Variants in PCDHGB3 observed in about 807,000 individuals in gnomAD.
PCDHGB3 encodes the protein protocadherin gamma subfamily B, 3, also known as protocadherin gamma-B3.
PCDHGB3 carries 40 observed loss-of-function variants against 59.2 expected under a neutral mutation model. The ratio of observed to expected loss-of-function variants is 0.68; its 90% CI spans 0.52 to 0.88. PCDHGB3 has a LOEUF of 0.88. Among genes scored for constraint, PCDHGB3 ranks in the 40% least tolerant of loss-of-function variants. PCDHGB3 has a pLI of 0.00. For synonymous variants in PCDHGB3, 581 were observed against 503.6 expected (o/e 1.15, Z -2.06); for missense variants, 1,309 against 1,187.9 (o/e 1.10, Z -1.50).
Position 141,477,202 on chromosome 5 carries a change from C to G in PCDHGB3, c.2416-17605C>G. 1 of 1,614,182 alleles carries G rather than the reference C, an allele frequency of 6.2e-7. No homozygotes were observed. The highest frequency in any genetic ancestry group is 1.1e-5 in the South Asian group (1 of 91,074). On this transcript the variant is annotated intron_variant, in intron 1 of 3. Transcript: ENST00000576222. This position sits in a 1 kb window ranked among gnomAD's most constrained non-coding sequence, Gnocchi z 4.9. ...TCACCTCCGTGTACAGCCCAGTACC[C>G]GAGGATGCCCCTCTGGGGACTGTCA...
At chr5:141,406,371 C>T (rs893677721) in intron 1 of PCDHGB3, among the ~76,000 whole-genome samples, 1 of 152,154 alleles carries the variant, frequency 6.6e-6, no homozygotes, top group African/African-American at 2.4e-5. Context: ...TAAGGGTAAA[C>T]TGATAAAAAG....
chr5:141,389,443 A>G (rs2091769935), intron 1 of PCDHGB3: 1 of 1,610,442 alleles, frequency 6.2e-7, no homozygotes, highest in Non-Finnish European at 8.5e-7. Context: ...GCCTTCGACC[A>G]CGAGCAGCTG....
chr5:141,378,838 G>A (rs1352949775), intron 1 of PCDHGB3: 5 of 152,196 alleles, frequency 3.3e-5, no homozygotes, highest in Non-Finnish European at 1.5e-5. Flanking sequence ...GAAAACAGCA[G>A]AGTTTTTGAC....
In PCDHGB3 at chr5:141,460,961, A is replaced by ATATGTGTGTG. The variant is rs1463306338; in HGVS notation, c.2416-33845_2416-33844insATGTGTGTGT. On this transcript the variant is annotated intron_variant, in intron 1 of 3. Coordinates refer to ENST00000576222, the MANE Select transcript of PCDHGB3 (RefSeq NM_018924.5). ...ATATATATGTATTATGTATATATAT[A>ATATGTGTGTG]TGTGTGTGTGTGTGTGTGTGTGTAT... Among the ~76,000 whole-genome samples the ATATGTGTGTG allele has an allele frequency of 1.3e-3, 194 of 144,616 alleles. 1 individual carries two copies. The highest frequency in any genetic ancestry group is 4.7e-3 in the African/African-American group (182 of 38,716). 94.9% of individuals were successfully genotyped at this position (144,616 alleles called of 152,430 possible). A position where few individuals can be genotyped will look rare whatever the true frequency, so the allele number is the denominator to read the frequency against.
At chr5:141,422,929 C>A (rs752323344) in intron 1 of PCDHGB3, 8 of 1,614,260 alleles carry the variant, frequency 5.0e-6, no homozygotes, top group Middle Eastern at 3.3e-4. Flanking sequence ...GTACCCTGCC[C>A]TCCCCACAGA....
At chr5:141,380,329 C>G (rs2150159068) in intron 1 of PCDHGB3, among the ~76,000 whole-genome samples, 1 of 152,142 alleles carries the variant, frequency 6.6e-6, no homozygotes, top group Non-Finnish European at 1.5e-5. Flanking sequence ...CTAAATGGAA[C>G]TTCAAAGAAC....
chr5:141,427,483 A>G lies in PCDHGB3; in HGVS notation c.2415+54674A>G, dbSNP rs759092057. The G allele has an allele frequency of 1.5e-4, 79 of 535,350 alleles. 2 individuals carry two copies. The highest frequency in any genetic ancestry group is 1.1e-3 in the South Asian group (73 of 65,268). 33.2% of individuals were successfully genotyped at this position (535,350 alleles called of 1,614,324 possible). ...ATCGAATCTTCCGCCAATAATGACT[A>G]TAAGCTTGTAACAGATGGGACCCTG... On this transcript the variant is annotated intron_variant, in intron 1 of 3. Coordinates refer to ENST00000576222, the MANE Select transcript of PCDHGB3 (RefSeq NM_018924.5).
chr5:141,503,654 G>C (rs1248501987), intron 2 of PCDHGB3, among the ~76,000 whole-genome samples: 1 of 150,388 alleles, frequency 6.6e-6, no homozygotes, highest in Non-Finnish European at 1.5e-5. Flanking sequence ...AATGGAAACA[G>C]AATTACAACT....
intron 1 of PCDHGB3, among the ~76,000 whole-genome samples, chr5:141,434,935 T>C (rs952530533): frequency 6.6e-6 from 1 of 151,788 alleles, no homozygotes; most frequent in Non-Finnish European, 1.5e-5. Flanking sequence ...TTTTATATAA[T>C]AGATATAATT....
intron 1 of PCDHGB3, among the ~76,000 whole-genome samples, chr5:141,438,587 CATACATAT>C (rs1166583123): frequency 1.2e-4 from 9 of 73,430 alleles, no homozygotes; most frequent in Non-Finnish European, 1.6e-4. Flanking sequence ...TACATACATA[CATACATAT>C]ATATATATAT....
At chr5:141,376,298 C>T in intron 1 of PCDHGB3, 1 of 1,614,206 alleles carries the variant, frequency 6.2e-7, no homozygotes, top group South Asian at 1.1e-5. Context: ...GCCCGGCTCG[C>T]ACTTTGTGGG....
At chr5:141,389,326 C>T (rs763831269) in intron 1 of PCDHGB3, 1 of 1,613,994 alleles carries the variant, frequency 6.2e-7, no homozygotes, top group Admixed American at 1.7e-5. Flanking sequence ...GACTTGGGGC[C>T]CAACGGCCAA....
Position 141,487,070 on chromosome 5 carries a change from C to T in PCDHGB3, c.2416-7737C>T. ...TGCTGGGGAGGTGCGGACGGCTGTT[C>T]CTATCCCAGCTGACCTCCCACCACA... On this transcript the variant is annotated intron_variant, in intron 1 of 3. Coordinates refer to ENST00000576222, the MANE Select transcript of PCDHGB3 (RefSeq NM_018924.5). This position sits in a 1 kb window ranked among gnomAD's most constrained non-coding sequence, Gnocchi z 5.0. The T allele has an allele frequency of 6.2e-7, 1 of 1,614,154 alleles. No homozygotes were observed. Among genetic ancestry groups the T allele is most frequent in the Non-Finnish European group, 8.5e-7 (1 of 1,180,008 alleles).
At chr5:141,410,430 A>G in intron 1 of PCDHGB3, 1 of 1,613,976 alleles carries the variant, frequency 6.2e-7, no homozygotes, top group Middle Eastern at 1.6e-4. Context: ...CCCCCCAACT[A>G]CAGTGAGGGG....
intron 1 of PCDHGB3, among the ~76,000 whole-genome samples, chr5:141,474,726 A>G (rs549082085): frequency 6.6e-6 from 1 of 152,358 alleles, no homozygotes; most frequent in South Asian, 2.1e-4. Flanking sequence ...AAAGGACTCT[A>G]TGCAATCAAA....
intron 1 of PCDHGB3, among the ~76,000 whole-genome samples, chr5:141,448,617 T>C (rs1318664360): frequency 2.0e-5 from 3 of 152,150 alleles, no homozygotes; most frequent in Non-Finnish European, 2.9e-5. Flanking sequence ...ACTTTATATC[T>C]TCCTTTCTTC....
rs866710706 is a variant in PCDHGB3, at chr5:141,485,167, G to A, written c.2416-9640G>A. On this transcript the variant is annotated intron_variant, in intron 1 of 3. Transcript: ENST00000576222. The surrounding 1 kb of genome is among the most constrained non-coding windows in gnomAD (Gnocchi z 5.7). ...AGGAGCAAGTAGAGAATTAGCGGGC[G>A]GCAGCAATGCTCCGCAAGGTGAGAA... The A allele has an allele frequency of 6.2e-7, 1 of 1,608,386 alleles. No homozygotes were observed.
At chr5:141,419,770 G>C in intron 1 of PCDHGB3, 1 of 1,614,006 alleles carries the variant, frequency 6.2e-7, no homozygotes, top group Non-Finnish European at 8.5e-7. Context: ...ACAAGGACTC[G>C]GTCCGCCAGC....
At chr5:141,498,551 C>T (rs749191535) in intron 2 of PCDHGB3, among the ~76,000 whole-genome samples, 2 of 151,950 alleles carry the variant, frequency 1.3e-5, no homozygotes, top group Non-Finnish European at 2.9e-5. Context: ...GTCAGACACA[C>T]CAGCTTCAAA....
Sources: gnomAD v4.1 joint callset for allele counts (sites outside exome capture counted in the v4.1 genomes callset) on GRCh38, gnomAD v4.1.1 for gene constraint, Gnocchi (gnomAD v3.1) non-coding constraint, MANE v1.5 for transcripts, NCBI Gene and HGNC (gene_info 2026-07-23, HGNC 2026-07-21) for gene names.